SPATA17: variants seen among roughly 807,000 people sequenced by gnomAD.
The protein encoded by SPATA17 is spermatogenesis-associated protein 17.
A neutral mutation model predicts 62.2 loss-of-function variants in SPATA17; 53 were observed. The ratio of observed to expected loss-of-function variants is 0.85; its 90% CI spans 0.68 to 1.07. SPATA17 has a LOEUF of 1.07. Ranked by LOEUF, SPATA17 falls within the 50% of genes least tolerant of loss-of-function variation. The pLI, the probability that SPATA17 is intolerant of heterozygous loss-of-function variation, is 0.00. For synonymous variants in SPATA17, 146 were observed against 146.8 expected, an observed-to-expected ratio of 0.99 and a Z score of 0.04; for missense variants, 466 against 425.5, an observed-to-expected ratio of 1.10 and a Z score of -0.84.
chr1:217,665,516 C>T (rs1670676429), intron 3 of SPATA17: 1 of 151,948 alleles, frequency 6.6e-6, no homozygotes, highest in Non-Finnish European at 1.5e-5. Context: ...TTGACAAAGC[C>T]CAGGGATTAG....
chr1:217,783,349 C>G (rs573894451), intron 8 of SPATA17, among the ~76,000 whole-genome samples: 1 of 151,710 alleles, frequency 6.6e-6, no homozygotes, highest in African/African-American at 2.4e-5. Context: ...ATATCAAAGA[C>G]AAAATTGGCA....
Position 217,870,489 on chromosome 1 carries a change from A to G in SPATA17, c.*3470A>G, listed in dbSNP as rs1004404822. 1.3e-5 allele frequency: 2 copies of G among 152,194 alleles called. No individual in the cohort carries two copies. Among genetic ancestry groups the G allele is most frequent in the Admixed American group, 6.5e-5 (1 of 15,272 alleles). The allele number at this position is 152,194 out of a possible 1,614,324, so 9.4% of individuals were successfully genotyped here. ...AGATGAAATCTTATTAGAAAATATA[A>G]CTGGGGAAAGCAGTTTGTCTGTTTC... On this transcript the variant is annotated 3_prime_UTR_variant, in exon 11 of 11. Transcript: ENST00000366933.
chr1:217,767,388 G>A (rs1414307585), intron 6 of SPATA17, among the ~76,000 whole-genome samples: 3 of 151,368 alleles, frequency 2.0e-5, no homozygotes, highest in African/African-American at 7.3e-5. Flanking sequence ...AGCTTTCTGG[G>A]TCTGTGATTT....
chr1:217,795,685 C>G (rs1462005280), intron 8 of SPATA17, among the ~76,000 whole-genome samples: 4 of 151,926 alleles, frequency 2.6e-5, no homozygotes, highest in Non-Finnish European at 5.9e-5. Context: ...AGTCTATTGA[C>G]TTCATGGAGC....
At position 217,636,131 on chromosome 1, in the gene SPATA17, CAAAA is replaced by C. The variant is rs397982927; in HGVS notation, c.68+4701_68+4704del. Reference sequence around the variant, plus strand: ...CTGGCGACAGAATGAGACTCCGTCTCAAAAAAAAAAAAAAAAAAAGGGTGTTTTC... The same window carrying C: ...CTGGCGACAGAATGAGACTCCGTCTCAAAAAAAAAAAAAAAGGGTGTTTTC... On this transcript the variant is annotated intron_variant, in intron 1 of 10. Transcript: ENST00000366933. Among the ~76,000 whole-genome samples the C allele has an allele frequency of 1.8e-3, 188 of 101,636 alleles. 3 individuals carry two copies. Among genetic ancestry groups the C allele is most frequent in the Middle Eastern group, 6.0e-3 (1 of 168 alleles). The allele number at this position is 101,636 out of a possible 152,430, so 66.7% of individuals were successfully genotyped here.
chr1:217,731,256 A>G (rs972211986), intron 5 of SPATA17, among the ~76,000 whole-genome samples: 1 of 151,968 alleles, frequency 6.6e-6, no homozygotes, highest in African/African-American at 2.4e-5. Context: ...TTCTGCTAGC[A>G]CTTGTGTGAT....
In SPATA17 at chr1:217,867,470, C is replaced by G. The variant is rs949970669; in HGVS notation, c.*451C>G. On this transcript the variant is annotated 3_prime_UTR_variant, in exon 11 of 11. Transcript: ENST00000366933. The stretch of plus-strand genomic sequence containing the variant: ...CCCTGAGAAATAATGACTGATTATA[C>G]CAGTTAGAAACCCTTCAGACTGTTG... The G allele has an allele frequency of 1.3e-5, 2 of 152,172 alleles. No individual in the cohort carries two copies. Among genetic ancestry groups the G allele is most frequent in the African/African-American group, 4.8e-5 (2 of 41,430 alleles). 9.4% of individuals were successfully genotyped at this position (152,172 alleles called of 1,614,324 possible). A position where few individuals can be genotyped will look rare whatever the true frequency, so the allele number is the denominator to read the frequency against.
intron 9 of SPATA17, among the ~76,000 whole-genome samples, chr1:217,809,898 T>C (rs1221286462): frequency 2.1e-5 from 2 of 97,540 alleles, no homozygotes; most frequent in Non-Finnish European, 4.4e-5. Flanking sequence ...TAACTATTTA[T>C]CTAATTTCAT....
At chr1:217,763,636 C>T (rs2102964836) in intron 6 of SPATA17, among the ~76,000 whole-genome samples, 1 of 152,252 alleles carries the variant, frequency 6.6e-6, no homozygotes, top group African/African-American at 2.4e-5. Context: ...CTTGGACTTC[C>T]TTGCAGATGG....
At chr1:217,834,212 C>T (rs982448333) in intron 9 of SPATA17, among the ~76,000 whole-genome samples, 6 of 152,044 alleles carry the variant, frequency 3.9e-5, no homozygotes, top group Non-Finnish European at 7.4e-5. Context: ...AAGTATAGCA[C>T]ATATGATTAT....
At chr1:217,838,689 C>T (rs1046651436) in intron 9 of SPATA17, among the ~76,000 whole-genome samples, 5 of 151,966 alleles carry the variant, frequency 3.3e-5, no homozygotes, top group African/African-American at 1.2e-4. Flanking sequence ...GGAGTCCCTT[C>T]CTCCCATCCC....
rs146636331 is a variant in SPATA17, at chr1:217,666,838, A to G, written c.241-2195A>G. On this transcript the variant is annotated intron_variant, in intron 3 of 10. Coordinates refer to ENST00000366933, the MANE Select transcript of SPATA17 (RefSeq NM_138796.4). The stretch of plus-strand genomic sequence containing the variant: ...TTTTGTTGCATATGCTTCTTTCAGT[A>G]CTTTCTAAAGCATCTGGGCTAGACA... 6.0e-3 allele frequency among the ~76,000 whole-genome samples: 914 copies of G among 152,238 alleles called. 6 individuals carry two copies. The highest frequency in any genetic ancestry group is 9.7e-3 in the Non-Finnish European group (657 of 67,996).
intron 5 of SPATA17, among the ~76,000 whole-genome samples, chr1:217,703,797 T>A (rs1316248630): frequency 6.6e-6 from 1 of 152,214 alleles, no homozygotes; most frequent in Non-Finnish European, 1.5e-5. Flanking sequence ...CTTTTCTTTC[T>A]AGTCACCTTG....
At chr1:217,808,853 CA>C (rs34369449) in intron 9 of SPATA17, among the ~76,000 whole-genome samples, 27,894 of 100,098 alleles carry the variant, frequency 0.28, 2,759 homozygotes, top group East Asian at 0.57. Flanking sequence ...GACTCTGTCT[CA>C]AAAAAAAAAA....
At chr1:217,776,535 G>T (rs920482393) in intron 7 of SPATA17, among the ~76,000 whole-genome samples, 3 of 151,980 alleles carry the variant, frequency 2.0e-5, no homozygotes, top group Non-Finnish European at 2.9e-5. Flanking sequence ...CTCTCATGAT[G>T]TTGTAGTCCA....
At chr1:217,840,618 G>A (rs1675372057) in intron 9 of SPATA17, among the ~76,000 whole-genome samples, 1 of 152,034 alleles carries the variant, frequency 6.6e-6, no homozygotes, top group South Asian at 2.1e-4. Context: ...AGGACTTTGG[G>A]AGGCTGAGGA....
intron 4 of SPATA17, among the ~76,000 whole-genome samples, chr1:217,669,923 T>C (rs1670795480): frequency 2.0e-5 from 3 of 152,084 alleles, no homozygotes; most frequent in Admixed American, 2.0e-4. Context: ...AGCGTGCTGG[T>C]AGTCTAGCCA....
chr1:217,722,293 T>G (rs1307726360), intron 5 of SPATA17, among the ~76,000 whole-genome samples: 2 of 152,158 alleles, frequency 1.3e-5, no homozygotes, highest in East Asian at 3.8e-4. Context: ...AAGAACAACT[T>G]GCATGTTGAA....
chr1:217,669,802 G>T (rs1013060888), intron 4 of SPATA17, among the ~76,000 whole-genome samples: 1 of 152,046 alleles, frequency 6.6e-6, no homozygotes, highest in African/African-American at 2.4e-5. Context: ...TTTGAGTGAG[G>T]CAAGGTAGTA....
Sources: allele counts gnomAD v4.1 joint callset (sites outside exome capture counted in the v4.1 genomes callset), GRCh38; gene constraint gnomAD v4.1.1; transcripts MANE v1.5; gene names NCBI Gene and HGNC (gene_info 2026-07-23, HGNC 2026-07-21).